The following UNC13C variants were observed in gnomAD, a reference collection of about 807,000 sequenced individuals.
UNC13C encodes the protein unc-13 homolog C, also known as protein unc-13 homolog C.
Under a neutral mutation model 245.4 loss-of-function variants are expected in UNC13C, and 174 were observed. The observed-to-expected ratio is 0.71, with a 90% CI of 0.63 to 0.80. UNC13C has a LOEUF of 0.80. Among genes scored for constraint, UNC13C ranks in the 30% least tolerant of loss-of-function variants. The probability of loss-of-function intolerance (pLI) is 0.00; values close to 1 mark genes in which losing one functional copy is unlikely to be tolerated. For missense variants in UNC13C, 2,829 were observed against 2,602.9 expected, an observed-to-expected ratio of 1.09 and a Z score of -1.89; for synonymous variants, 992 against 895.1, an observed-to-expected ratio of 1.11 and a Z score of -1.93.
At chr15:53,888,218 G>T in the UNC13C span, among the ~76,000 whole-genome samples, 1 of 152,066 alleles carries the variant, frequency 6.6e-6, no homozygotes, top group Non-Finnish European at 1.5e-5. Context: ...AGCATCTGTT[G>T]TTTCCTGACT....
In UNC13C at chr15:54,340,758, T is replaced by C. The variant is rs1415435136; in HGVS notation, c.4713+2269T>C. On this transcript the variant is annotated intron_variant, in intron 17 of 32. Coordinates refer to ENST00000260323, the MANE Select transcript of UNC13C (RefSeq NM_001080534.3). ...GTGTTCCTTTTGCTTAGTCTTGCTT[T>C]GGCTGTGTGGGCTCTGTTTTGGTTC... Among the ~76,000 whole-genome samples the C allele has an allele frequency of 4.6e-5, 7 of 152,194 alleles. No individual in the cohort carries two copies. In the East Asian group the frequency reaches 1.3e-3, roughly 29 times the overall value.
intron 1 of UNC13C, among the ~76,000 whole-genome samples, chr15:53,991,107 T>C (rs1894367283): frequency 6.6e-6 from 1 of 152,018 alleles, no homozygotes. Flanking sequence ...TTAGGGTATA[T>C]ACTTCTTTCT....
chr15:54,048,462 G>T, intron 2 of UNC13C: 2 of 606,396 alleles, frequency 3.3e-6, no homozygotes, highest in Admixed American at 1.9e-5. Context: ...TTGATAATGA[G>T]GCCAGCCTGA....
At chr15:53,968,893 CATT>C in the UNC13C span, among the ~76,000 whole-genome samples, 1 of 152,192 alleles carries the variant, frequency 6.6e-6, no homozygotes, top group Admixed American at 6.5e-5. Flanking sequence ...GTGCTCCTCT[CATT>C]AGGCAACTGT....
At chr15:53,999,316 G>T (rs1470479569) in intron 1 of UNC13C, among the ~76,000 whole-genome samples, 1 of 151,470 alleles carries the variant, frequency 6.6e-6, no homozygotes, top group Non-Finnish European at 1.5e-5. Flanking sequence ...ATATACATAA[G>T]ATATATATAC....
intron 4 of UNC13C, among the ~76,000 whole-genome samples, chr15:54,160,239 T>C (rs1289303544): frequency 6.6e-6 from 1 of 151,558 alleles, no homozygotes; most frequent in Non-Finnish European, 1.5e-5. Context: ...TTAGTGAGGA[T>C]CTAGGTCATG....
chr15:54,132,767 T>C (rs1595892800), intron 2 of UNC13C, among the ~76,000 whole-genome samples: 1 of 152,160 alleles, frequency 6.6e-6, no homozygotes, highest in African/African-American at 2.4e-5. Flanking sequence ...TGGTGACAAA[T>C]AGAGCAAACT....
At chr15:54,142,973 T>A in intron 2 of UNC13C, 45 bp from the exon 3 acceptor site, 1 of 1,563,284 alleles carries the variant, frequency 6.4e-7, no homozygotes, top group Non-Finnish European at 8.8e-7. Context: ...TCTTGAAAAG[T>A]ACTCCATCTA....
intron 4 of UNC13C, among the ~76,000 whole-genome samples, chr15:54,194,631 A>T (rs116787463): frequency 1.3e-3 from 197 of 152,244 alleles, no homozygotes; most frequent in African/African-American, 4.6e-3. Context: ...TTTAAGTGCG[A>T]GATCTGGGTA....
At chr15:54,479,076 C>T (rs866945003) in intron 19 of UNC13C, among the ~76,000 whole-genome samples, 16 of 151,978 alleles carry the variant, frequency 1.1e-4, no homozygotes, top group Middle Eastern at 3.4e-3. Context: ...AAGGTGTGTT[C>T]GTGGTGCCTT....
chr15:54,475,217 T>A (rs921213243), intron 19 of UNC13C, among the ~76,000 whole-genome samples: 1 of 151,818 alleles, frequency 6.6e-6, no homozygotes, highest in Non-Finnish European at 1.5e-5. Context: ...TAGTGTCAGG[T>A]CTGATAGTCT....
At chr15:54,039,357 T>G (rs1896718428) in intron 2 of UNC13C, among the ~76,000 whole-genome samples, 1 of 152,238 alleles carries the variant, frequency 6.6e-6, no homozygotes, top group Non-Finnish European at 1.5e-5. Flanking sequence ...ATATTCTAGA[T>G]TCTTTTCATA....
At chr15:54,252,574 A>G (rs1045290928) in intron 8 of UNC13C, among the ~76,000 whole-genome samples, 1 of 152,166 alleles carries the variant, frequency 6.6e-6, no homozygotes, top group African/African-American at 2.4e-5. Flanking sequence ...TTTCCATGAT[A>G]ACTATCAATA....
chr15:54,171,975 G>C (rs913248325), intron 4 of UNC13C, among the ~76,000 whole-genome samples: 4 of 152,006 alleles, frequency 2.6e-5, no homozygotes, highest in Non-Finnish European at 5.9e-5. Context: ...TGCCAGTGGA[G>C]GTCGTTATGG....
At position 54,244,173 on chromosome 15, in the gene UNC13C, G is replaced by C. The variant is rs1158102402; in HGVS notation, c.3229-6052G>C. On this transcript the variant is annotated intron_variant, in intron 7 of 32. Transcript: ENST00000260323. Reference sequence around the variant, plus strand: ...TTTTTGTATATGATGTAAGCAAGTGGTCCACTTTCAGTTTTCTGCATATGG... The same window carrying C: ...TTTTTGTATATGATGTAAGCAAGTGCTCCACTTTCAGTTTTCTGCATATGG... Among the ~76,000 whole-genome samples, 9 of 152,066 alleles carry C rather than the reference G, an allele frequency of 5.9e-5. No individual in the cohort carries two copies. In the South Asian group the frequency reaches 8.3e-4, roughly 14 times the overall value.
intron 28 of UNC13C, 123 bp from the exon 29 acceptor site, chr15:54,555,309 C>A: frequency 7.2e-6 from 5 of 691,554 alleles, no homozygotes; most frequent in Non-Finnish European, 1.0e-5. Flanking sequence ...TAAATGCATT[C>A]AGGTGCAGAA....
At position 54,483,483 on chromosome 15, in the gene UNC13C, G is replaced by A. The variant is rs543286686; in HGVS notation, c.4934-11125G>A. ...TTTAATTTCTTTTCATGAGAATTAC[G>A]CTGTTTTCTTTTCTTTTCTTTTCTT... On this transcript the variant is annotated intron_variant, in intron 19 of 32. Coordinates refer to ENST00000260323, the MANE Select transcript of UNC13C (RefSeq NM_001080534.3). Among the ~76,000 whole-genome samples, 8 of 152,048 alleles carry A rather than the reference G, an allele frequency of 5.3e-5. No homozygotes were observed. The East Asian group carries it at 1.2e-3, about 22-fold the overall frequency.
At chr15:54,158,350 T>C (rs1463259852) in intron 4 of UNC13C, among the ~76,000 whole-genome samples, 2 of 152,094 alleles carry the variant, frequency 1.3e-5, no homozygotes, top group Non-Finnish European at 2.9e-5. Flanking sequence ...TTTTTTGAAA[T>C]GGAGTCTCAC....
At chr15:53,952,578 T>G in the UNC13C span, among the ~76,000 whole-genome samples, 2 of 152,234 alleles carry the variant, frequency 1.3e-5, no homozygotes, top group Non-Finnish European at 2.9e-5. Context: ...AAATACTGAC[T>G]TCTTTCTGGC....
Sources: gnomAD v4.1 joint callset for allele counts (sites outside exome capture counted in the v4.1 genomes callset) on GRCh38, gnomAD v4.1.1 for gene constraint, MANE v1.5 for transcripts, NCBI Gene and HGNC (gene_info 2026-07-23, HGNC 2026-07-21) for gene names.